ESRRB: variants seen among roughly 807,000 people sequenced by gnomAD.
ESRRB encodes the protein estrogen related receptor beta.
ESRRB carries 16 observed loss-of-function variants against 46.0 expected under a neutral mutation model. The observed-to-expected ratio is 0.35, with a 90% CI of 0.24 to 0.53. The LOEUF is 0.53. ESRRB is among the 20% of genes least tolerant of loss of function. The pLI is 0.93. For missense variants in ESRRB, 488 were observed against 607.4 expected, an observed-to-expected ratio of 0.80 and a Z score of 2.07; for synonymous variants, 246 against 259.6, an observed-to-expected ratio of 0.95 and a Z score of 0.50.
At chr14:76,407,038 C>T (rs542179212) in intron 1 of ESRRB, among the ~76,000 whole-genome samples, 120 of 152,198 alleles carry the variant, frequency 7.9e-4, no homozygotes, top group Non-Finnish European at 1.4e-3. Flanking sequence ...TGAATCTTGG[C>T]CCTCCCTGCC....
chr14:76,432,741 T>C (rs1887507893), intron 1 of ESRRB, among the ~76,000 whole-genome samples: 1 of 138,500 alleles, frequency 7.2e-6, no homozygotes, highest in East Asian at 2.3e-4. Context: ...AGTGGCACAG[T>C]CTCAGCTCAC....
upstream of ESRRB, among the ~76,000 whole-genome samples, chr14:76,373,713 G>A (rs922196583): frequency 1.3e-5 from 2 of 152,208 alleles, no homozygotes; most frequent in Admixed American, 1.3e-4. Context: ...GTGAGAGGAG[G>A]CTCAGGCAGA....
Position 76,500,957 on chromosome 14 carries a change from GT to G in ESRRB, c.*2500del. The stretch of plus-strand genomic sequence containing the variant: ...TGGGAAAGTTCCTGGTACTGAAGGG[GT>G]CCATTGGACACTCAGAAAAGAAGTT... On this transcript the variant is annotated 3_prime_UTR_variant, in exon 7 of 7. Coordinates refer to ENST00000644823, the MANE Select transcript of ESRRB (RefSeq NM_001379180.1). The G allele has an allele frequency of 3.4e-6, 2 of 588,400 alleles. No individual in the cohort carries two copies. The highest frequency in any genetic ancestry group is 6.1e-6 in the Non-Finnish European group (2 of 328,840). The allele number at this position is 588,400 out of a possible 1,614,324, so 36.4% of individuals were successfully genotyped here. A position where few individuals can be genotyped will look rare whatever the true frequency, so the allele number is the denominator to read the frequency against.
At chr14:76,339,796 G>A (rs1346978413) in intron 1 of ESRRB, among the ~76,000 whole-genome samples, 1 of 152,190 alleles carries the variant, frequency 6.6e-6, no homozygotes, top group Non-Finnish European at 1.5e-5. Flanking sequence ...CCCAGGAATG[G>A]TTCAAAAGGC....
chr14:76,378,392 A>G (rs1351481165), intron 1 of ESRRB, among the ~76,000 whole-genome samples: 1 of 152,192 alleles, frequency 6.6e-6, no homozygotes, highest in African/African-American at 2.4e-5. Flanking sequence ...GAAGCAGCAG[A>G]AGGAAGTCAG....
At chr14:76,484,301 G>T (rs1355153277) in intron 5 of ESRRB, among the ~76,000 whole-genome samples, 1 of 152,230 alleles carries the variant, frequency 6.6e-6, no homozygotes, top group Non-Finnish European at 1.5e-5. Flanking sequence ...GGACTGCCTG[G>T]TGGCCCCTGG....
chr14:76,479,227 G>C (rs1384661896), intron 3 of ESRRB, among the ~76,000 whole-genome samples: 1 of 123,262 alleles, frequency 8.1e-6, no homozygotes, highest in Non-Finnish European at 1.6e-5. Context: ...TTGTGTGTGT[G>C]TGTGTGTACG....
At chr14:76,387,632 A>G (rs1885293625) in intron 1 of ESRRB, among the ~76,000 whole-genome samples, 1 of 152,110 alleles carries the variant, frequency 6.6e-6, no homozygotes. Context: ...GGCTTGCCTG[A>G]CCTCCAGACG....
At chr14:76,470,110 G>T (rs1428984731) in intron 3 of ESRRB, among the ~76,000 whole-genome samples, 1 of 151,882 alleles carries the variant, frequency 6.6e-6, no homozygotes, top group African/African-American at 2.4e-5. Flanking sequence ...ACCACGCCTG[G>T]TTAATTTTTT....
In ESRRB at chr14:76,499,256, G is replaced by C. The variant is rs999426166; in HGVS notation, c.*798G>C. On this transcript the variant is annotated 3_prime_UTR_variant, in exon 7 of 7. Transcript: ENST00000644823. ...AGGGGCTGTAGACAGGAACGCGCTG[G>C]CACAGAGAAGAGCGGGGACCACACC... 7 of 249,186 alleles carry C rather than the reference G, an allele frequency of 2.8e-5. No individual in the cohort carries two copies. The highest frequency in any genetic ancestry group is 1.6e-4 in the South Asian group (3 of 19,000). The allele number at this position is 249,186 out of a possible 1,614,324, so 15.4% of individuals were successfully genotyped here.
intron 1 of ESRRB, among the ~76,000 whole-genome samples, chr14:76,403,196 A>G (rs369316870): frequency 6.6e-6 from 1 of 152,186 alleles, no homozygotes; most frequent in Non-Finnish European, 1.5e-5. Context: ...CACTTTTTGC[A>G]TTAGGAACTA....
chr14:76,397,970 C>A (rs1885768728), intron 1 of ESRRB, among the ~76,000 whole-genome samples: 1 of 152,180 alleles, frequency 6.6e-6, no homozygotes, highest in African/African-American at 2.4e-5. Context: ...TTGAATAAAC[C>A]CCTTTGTTTC....
At chr14:76,495,039 T>G (rs1009241640) in intron 6 of ESRRB, among the ~76,000 whole-genome samples, 2 of 152,086 alleles carry the variant, frequency 1.3e-5, no homozygotes, top group African/African-American at 4.8e-5. Flanking sequence ...CACATGCACA[T>G]GTATACATAC....
At chr14:76,481,968 G>C in intron 3 of ESRRB, 48 bp from the exon 4 acceptor site, 1 of 1,546,398 alleles carries the variant, frequency 6.5e-7, no homozygotes, top group South Asian at 1.1e-5. Context: ...CTTCTACCCT[G>C]GTGATGTTGA....
At chr14:76,420,687 G>A (rs1271710578) in intron 1 of ESRRB, among the ~76,000 whole-genome samples, 1 of 151,766 alleles carries the variant, frequency 6.6e-6, no homozygotes, top group African/African-American at 2.4e-5. Flanking sequence ...TTGGCCAAAT[G>A]GCCAAAAATT....
At chr14:76,318,077 C>A (rs1883823070) in intron 1 of ESRRB, among the ~76,000 whole-genome samples, 1 of 152,186 alleles carries the variant, frequency 6.6e-6, no homozygotes. Context: ...AGTTTCCAAA[C>A]TCTGCATTTT....
Position 76,479,251 on chromosome 14 carries a change from G to A in ESRRB, c.578-2765G>A, listed in dbSNP as rs546995840. On this transcript the variant is annotated intron_variant, in intron 3 of 6. Transcript: ENST00000644823. ...TGTGTGTGTACGTGTGCATGCGTGC[G>A]TGTGTGTGTGTGTGCTGATCTGACG... 4.4e-4 allele frequency among the ~76,000 whole-genome samples: 67 copies of A among 151,856 alleles called. 1 individual carries two copies. Among genetic ancestry groups the A allele is most frequent in the African/African-American group, 1.6e-3 (65 of 41,440 alleles).
intron 5 of ESRRB, 74 bp from the exon 6 acceptor site, chr14:76,491,373 C>T (rs1890217855): frequency 2.6e-6 from 4 of 1,509,498 alleles, no homozygotes; most frequent in Middle Eastern, 2.3e-4. Context: ...ACCTCTGCCC[C>T]CAGCGAGCCC....
intron 3 of ESRRB, among the ~76,000 whole-genome samples, chr14:76,481,120 T>C (rs575987002): frequency 1.3e-5 from 2 of 152,328 alleles, no homozygotes; most frequent in East Asian, 1.9e-4. Context: ...GTGCTTTTTG[T>C]GTTGGTTCAT....
Sources: gnomAD v4.1 joint callset for allele counts (sites outside exome capture counted in the v4.1 genomes callset) on GRCh38, gnomAD v4.1.1 for gene constraint, MANE v1.5 for transcripts, NCBI Gene and HGNC (gene_info 2026-07-23, HGNC 2026-07-21) for gene names.